The following AAK1 variants were observed in gnomAD, a reference collection of about 807,000 sequenced individuals.
AAK1 encodes AP2-associated protein kinase 1.
In AAK1, 37 loss-of-function variants were observed where a neutral mutation model predicts 116.0. That is an observed-to-expected ratio of 0.32 (90% confidence interval 0.25 to 0.42). The LOEUF is 0.42. Among genes scored for constraint, AAK1 ranks in the 10% least tolerant of loss-of-function variants. The pLI, the probability that AAK1 is intolerant of heterozygous loss-of-function variation, is 1.00. For missense variants in AAK1, 919 were observed against 1,170.6 expected (o/e 0.79, Z 3.14); for synonymous variants, 458 against 439.9 (o/e 1.04, Z -0.51).
chr2:69,564,569 G>A (rs892028126), intron 2 of AAK1, among the ~76,000 whole-genome samples: 1 of 152,220 alleles, frequency 6.6e-6, no homozygotes, highest in African/African-American at 2.4e-5. Flanking sequence ...TACCGAAGGT[G>A]TAGATGTGTA....
Position 69,480,947 on chromosome 2 carries a change from C to G in AAK1, c.2482G>C (p.Ala828Pro), listed in dbSNP as rs1041249379. Residue 828 changes from alanine to proline, a missense_variant, in exon 19 of 22, where the codon GCT (alanine) becomes CCT (proline). By Grantham distance (27) the Ala-to-Pro change is conservative. Transcript: ENST00000409085. ...AGTCCTGGTATGAGACTCTCAACAGCAACATCAGCTTTTTCTTTCGTAACA... is the reference window on the plus strand; with the variant it reads ...AGTCCTGGTATGAGACTCTCAACAGGAACATCAGCTTTTTCTTTCGTAACA... ...SDAVIEKADVAVESLIPGLEP... is the reference protein window; with the variant it reads ...SDAVIEKADVPVESLIPGLEP... The G allele has an allele frequency of 4.0e-5, 64 of 1,604,518 alleles. No homozygotes were observed. The highest frequency in any genetic ancestry group is 5.4e-5 in the Non-Finnish European group (64 of 1,176,050).
rs908966280 is a variant in AAK1, at chr2:69,595,012, G to A, written c.164-38034C>T. On this transcript the variant is annotated intron_variant, in intron 2 of 21. Transcript: ENST00000409085. ...GTGTCACTTTGTGGGGTTGGTGCTT[G>A]CCACACTTCTGACACAAGTCCAGCG... The A allele has an allele frequency of 1.1e-5, 8 of 757,294 alleles. No homozygotes were observed. In the African/African-American group the frequency reaches 1.2e-4, roughly 11 times the overall value. The allele number at this position is 757,294 out of a possible 1,614,324, so 46.9% of individuals were successfully genotyped here. A position where few individuals can be genotyped will look rare whatever the true frequency, so the allele number is the denominator to read the frequency against.
chr2:69,604,660 C>A (rs894559139), intron 2 of AAK1, among the ~76,000 whole-genome samples: 1 of 152,170 alleles, frequency 6.6e-6, no homozygotes, highest in Admixed American at 6.5e-5. Context: ...ACACTCCAGG[C>A]TGAGGCAGAG....
intron 3 of AAK1, among the ~76,000 whole-genome samples, chr2:69,553,447 T>G (rs908627609): frequency 1.5e-5 from 2 of 137,374 alleles, no homozygotes; most frequent in Admixed American, 7.3e-5. Flanking sequence ...GTTTTTTTTT[T>G]TTTTTTTTTT....
intron 2 of AAK1, among the ~76,000 whole-genome samples, chr2:69,616,684 T>C (rs1156396248): frequency 6.6e-6 from 1 of 152,210 alleles, no homozygotes. Context: ...CAATCAAAAA[T>C]GTCTCTAGAT....
intron 16 of AAK1, among the ~76,000 whole-genome samples, chr2:69,500,804 A>T (rs540018234): frequency 6.6e-6 from 1 of 151,246 alleles, no homozygotes; most frequent in South Asian, 2.1e-4. Context: ...AAACCTCATT[A>T]AAAAACAGCT....
intron 8 of AAK1, among the ~76,000 whole-genome samples, chr2:69,529,292 C>G (rs907534654): frequency 2.0e-5 from 3 of 152,156 alleles, no homozygotes; most frequent in Non-Finnish European, 4.4e-5. Context: ...TATAATCAAT[C>G]CATAACAGTT....
At chr2:69,604,742 T>C (rs1242138244) in intron 2 of AAK1, among the ~76,000 whole-genome samples, 1 of 152,082 alleles carries the variant, frequency 6.6e-6, no homozygotes, top group Admixed American at 6.6e-5. Flanking sequence ...TAGGGTCCAA[T>C]ACGTCTCTAG....
rs889025170 is a variant in AAK1 at position 69,514,563 on chromosome 2, C to T, written c.1684G>A (p.Ala562Thr). The T allele has an allele frequency of 1.3e-6, 2 of 1,560,560 alleles. No homozygotes were observed. The highest frequency in any genetic ancestry group is 2.7e-5 in the African/African-American group (2 of 73,548). Residue 562 changes from alanine to threonine, a missense_variant, in exon 13 of 22, where the codon GCC (alanine) becomes ACC (threonine). Ala to Thr is a moderately conservative substitution (Grantham distance 58). Coordinates refer to ENST00000409085, the MANE Select transcript of AAK1 (RefSeq NM_014911.5). ...GCCATAGTGGGCTTTTGCTGCAAGG[C>T]AGCCTGCTGAGTCATCAGCTGTTGT... ...HQQQLMTQQA[A>T]LQQKPTMAAG...
intron 2 of AAK1, among the ~76,000 whole-genome samples, chr2:69,590,122 A>G (rs534381902): frequency 6.6e-6 from 1 of 152,312 alleles, no homozygotes; most frequent in East Asian, 1.9e-4. Flanking sequence ...GAGCTCAGGT[A>G]AAAACAAGAC....
chr2:69,602,487 A>G (rs1381182661), intron 2 of AAK1, among the ~76,000 whole-genome samples: 1 of 152,242 alleles, frequency 6.6e-6, no homozygotes, highest in Non-Finnish European at 1.5e-5. Context: ...TCAGAAAAAT[A>G]TGATAAAACA....
chr2:69,509,459 A>G lies in AAK1; in HGVS notation c.1778T>C (p.Ile593Thr). Residue 593 changes from isoleucine (I) to threonine (T), a missense_variant and splice_region_variant, in exon 14 of 22, where the codon ATT becomes ACT. Ile to Thr is a moderately conservative substitution (Grantham distance 89). Transcript: ENST00000409085. ...PQPAPAQEPA[I>T]QAPVRQQPKV... is the part of the protein sequence containing the mutation. The stretch of plus-strand genomic sequence containing the variant: ...TGGCTGTTGTCTTACTGGGGCTTGA[A>G]TCTGCTAGGAAGAGAGACGGAAAGT... 1 of 1,613,134 alleles carries G rather than the reference A, an allele frequency of 6.2e-7. No individual in the cohort carries two copies. Among genetic ancestry groups the G allele is most frequent in the Non-Finnish European group, 8.5e-7 (1 of 1,179,374 alleles).
At chr2:69,626,853 C>G (rs1674925283) in intron 2 of AAK1, among the ~76,000 whole-genome samples, 1 of 152,100 alleles carries the variant, frequency 6.6e-6, no homozygotes, top group Admixed American at 6.6e-5. Flanking sequence ...TTCACATCCT[C>G]CTGATTCTAC....
rs1674829500 is a variant in AAK1, at chr2:69,475,722, C to A, written c.*147G>T. ...TGATTTTCTTTCCTTATCATTTCTA[C>A]AGGAGAAGGCAAGGGGTAGGAGAAA... On this transcript the variant is annotated 3_prime_UTR_variant, in exon 22 of 22. Transcript: ENST00000409085. The A allele has an allele frequency of 1.4e-6, 2 of 1,409,236 alleles. No homozygotes were observed. The highest frequency in any genetic ancestry group is 2.9e-5 in the African/African-American group (2 of 69,320). 87.3% of individuals were successfully genotyped at this position (1,409,236 alleles called of 1,614,324 possible). A position where few individuals can be genotyped will look rare whatever the true frequency, so the allele number is the denominator to read the frequency against.
chr2:69,580,823 CT>C (rs1317919958), intron 2 of AAK1, among the ~76,000 whole-genome samples: 2 of 152,164 alleles, frequency 1.3e-5, no homozygotes, highest in African/African-American at 2.4e-5. Flanking sequence ...TCTATGAAGG[CT>C]TTAATGCACT....
chr2:69,640,080 C>CTCTCTCTCTCTCTCTCTCTCTCT (rs1491472917), intron 2 of AAK1, among the ~76,000 whole-genome samples: 1 of 128,596 alleles, frequency 7.8e-6, no homozygotes, highest in Admixed American at 1.1e-4. Context: ...CTCTCTCTCT[C>CTCTCTCTCTCTCTCTCTCTCTCT]CCCCCCCACA....
In AAK1 at chr2:69,465,200, C is replaced by CA; in HGVS notation, c.*10668dup. 1 of 321,878 alleles carries CA rather than the reference C, an allele frequency of 3.1e-6. No homozygotes were observed. Among genetic ancestry groups the CA allele is most frequent in the Non-Finnish European group, 5.6e-6 (1 of 177,930 alleles). The allele number at this position is 321,878 out of a possible 1,614,324, so 19.9% of individuals were successfully genotyped here. On this transcript the variant is annotated 3_prime_UTR_variant, in exon 22 of 22. Coordinates refer to ENST00000409085, the MANE Select transcript of AAK1 (RefSeq NM_014911.5). The stretch of plus-strand genomic sequence containing the variant: ...TGAAAATGCCTCCAAGTCCAGAAAT[C>CA]AATATAAACAAACAAACAAACAAAC...
At chr2:69,607,506 C>G (rs758686912) in intron 2 of AAK1, among the ~76,000 whole-genome samples, 2 of 152,068 alleles carry the variant, frequency 1.3e-5, no homozygotes, top group Non-Finnish European at 2.9e-5. Context: ...CCACAAGCCC[C>G]CAAAATGGTA....
chr2:69,488,149 C>CGTGTGTGTGTGTGTGTGTGTGT lies in AAK1; in HGVS notation c.2366-5359_2366-5338dup, dbSNP rs58575925. 2.8e-4 allele frequency among the ~76,000 whole-genome samples: 40 copies of CGTGTGTGTGTGTGTGTGTGTGT among 144,650 alleles called. 1 individual carries two copies. Among genetic ancestry groups the CGTGTGTGTGTGTGTGTGTGTGT allele is most frequent in the African/African-American group, 8.4e-4 (33 of 39,094 alleles). The allele number at this position is 144,650 out of a possible 152,430, so 94.9% of individuals were successfully genotyped here. On this transcript the variant is annotated intron_variant, in intron 17 of 21. Transcript: ENST00000409085. ...CAGACTCTAAACGTGTGTGTGTGGACGTGTGTGTGTGTGTGTGTGTGTGTG... is the reference window on the plus strand; with the variant it reads ...CAGACTCTAAACGTGTGTGTGTGGACGTGTGTGTGTGTGTGTGTGTGTGTGTGTGTGTGTGTGTGTGTGTGTG...
Sources: allele counts gnomAD v4.1 joint callset (sites outside exome capture counted in the v4.1 genomes callset), GRCh38; gene constraint gnomAD v4.1.1; transcripts MANE v1.5; gene names NCBI Gene and HGNC (gene_info 2026-07-23, HGNC 2026-07-21).